Variants in EEFSEC observed in about 807,000 individuals in gnomAD.
EEFSEC encodes the protein selenocysteine-specific elongation factor.
In EEFSEC, 43 loss-of-function variants were observed where a neutral mutation model predicts 42.1. The observed-to-expected ratio is 1.02, with a 90% confidence interval of 0.80 to 1.32. The LOEUF (loss-of-function observed/expected upper bound fraction) is 1.32. Among genes scored for constraint, EEFSEC ranks in the 40% most tolerant of loss-of-function variants. The probability of loss-of-function intolerance (pLI) is 0.00; values close to 1 mark genes in which losing one functional copy is unlikely to be tolerated. For missense variants in EEFSEC, 745 were observed against 803.6 expected, an observed-to-expected ratio of 0.93 and a Z score of 0.88; for synonymous variants, 354 against 339.1, an observed-to-expected ratio of 1.04 and a Z score of -0.48.
chr3:128,313,803 T>C (rs541369835), intron 4 of EEFSEC, among the ~76,000 whole-genome samples: 18 of 152,340 alleles, frequency 1.2e-4, no homozygotes, highest in African/African-American at 4.3e-4. Context: ...TACTGGCAGA[T>C]GGTTAAAAAG....
the EEFSEC span, among the ~76,000 whole-genome samples, chr3:128,415,727 G>A: frequency 6.6e-6 from 1 of 152,232 alleles, no homozygotes. Context: ...GTGGGAGGAA[G>A]AGAAGCAGGT....
At chr3:128,165,944 T>G (rs2065238913) in intron 1 of EEFSEC, among the ~76,000 whole-genome samples, 2 of 152,130 alleles carry the variant, frequency 1.3e-5, no homozygotes, top group Non-Finnish European at 2.9e-5. Flanking sequence ...GAGGAAAAAA[T>G]GGCCCTGTTT....
At chr3:128,383,244 C>A (rs1012756030) in intron 6 of EEFSEC, among the ~76,000 whole-genome samples, 1 of 152,222 alleles carries the variant, frequency 6.6e-6, no homozygotes, top group Admixed American at 6.5e-5. Flanking sequence ...AAGCCTGTCC[C>A]CGTTACAGAA....
chr3:128,283,215 C>T (rs1469551289), intron 4 of EEFSEC, among the ~76,000 whole-genome samples: 2 of 152,200 alleles, frequency 1.3e-5, no homozygotes, highest in South Asian at 2.1e-4. Flanking sequence ...TCTTTCCCAT[C>T]CCAGGACAGC....
chr3:128,351,523 C>T (rs1480330564), intron 5 of EEFSEC, among the ~76,000 whole-genome samples: 1 of 152,210 alleles, frequency 6.6e-6, no homozygotes. Flanking sequence ...TCACCACAGA[C>T]CTGGAATCGG....
chr3:128,195,667 G>T (rs568976446), intron 1 of EEFSEC, among the ~76,000 whole-genome samples: 3 of 152,312 alleles, frequency 2.0e-5, no homozygotes, highest in East Asian at 3.9e-4. Context: ...TGTAGTTATT[G>T]CATAAGTGTT....
At chr3:128,284,284 C>T (rs2066560291) in intron 4 of EEFSEC, among the ~76,000 whole-genome samples, 1 of 152,252 alleles carries the variant, frequency 6.6e-6, no homozygotes, top group Non-Finnish European at 1.5e-5. Flanking sequence ...CACAATTCTT[C>T]CTAGAATACT....
intron 1 of EEFSEC, among the ~76,000 whole-genome samples, chr3:128,207,065 A>G (rs144432000): frequency 7.9e-5 from 12 of 152,296 alleles, no homozygotes; most frequent in African/African-American, 2.9e-4. Flanking sequence ...GAAGAAGAGT[A>G]CTTCTACTGC....
chr3:128,316,292 A>G (rs2108028595), intron 4 of EEFSEC, among the ~76,000 whole-genome samples: 1 of 152,314 alleles, frequency 6.6e-6, no homozygotes, highest in East Asian at 1.9e-4. Context: ...CCCTTTTTTA[A>G]TGCACACAAA....
In EEFSEC at chr3:128,408,424, G is replaced by T; in HGVS notation, c.*165G>T. The T allele has an allele frequency of 1.4e-6, 1 of 728,624 alleles. No individual in the cohort carries two copies. The highest frequency in any genetic ancestry group is 2.1e-6 in the Non-Finnish European group (1 of 476,402). 45.1% of individuals were successfully genotyped at this position (728,624 alleles called of 1,614,324 possible). A position where few individuals can be genotyped will look rare whatever the true frequency, so the allele number is the denominator to read the frequency against. On this transcript the variant is annotated 3_prime_UTR_variant, in exon 7 of 7. Transcript: ENST00000254730. ...CTGAGCCCTGGTGAGGAGCTGAGGGGGATGGGTTGCTGGGGCCAGGAGGGT... is the reference window on the plus strand; with the variant it reads ...CTGAGCCCTGGTGAGGAGCTGAGGGTGATGGGTTGCTGGGGCCAGGAGGGT...
chr3:128,367,712 G>A (rs1284732197), intron 6 of EEFSEC: 1 of 985,296 alleles, frequency 1.0e-6, no homozygotes, highest in Admixed American at 6.2e-5. Flanking sequence ...ACCCAGAGAT[G>A]AGTGAAGCAC....
chr3:128,397,763 G>A (rs954564610), intron 6 of EEFSEC, among the ~76,000 whole-genome samples: 8 of 152,368 alleles, frequency 5.3e-5, no homozygotes, highest in African/African-American at 1.9e-4. Flanking sequence ...CTCTCTGGAC[G>A]GAGGAGTCGG....
At chr3:128,297,282 T>G (rs964357682) in intron 4 of EEFSEC, among the ~76,000 whole-genome samples, 2 of 152,032 alleles carry the variant, frequency 1.3e-5, no homozygotes, top group African/African-American at 4.8e-5. Flanking sequence ...AGCCGAGGAT[T>G]TATGCTTACC....
At chr3:128,411,496 C>T (rs771020148), downstream of EEFSEC, among the ~76,000 whole-genome samples, 1 of 152,088 alleles carries the variant, frequency 6.6e-6, no homozygotes, top group East Asian at 1.9e-4. Flanking sequence ...GTGCTTCAGG[C>T]GTGTCCTTGG....
intron 4 of EEFSEC, among the ~76,000 whole-genome samples, chr3:128,287,572 G>A (rs1459513843): frequency 6.6e-6 from 1 of 152,234 alleles, no homozygotes; most frequent in African/African-American, 2.4e-5. Flanking sequence ...GTGATGAGCT[G>A]TAGTTTGAGA....
In EEFSEC at chr3:128,167,907, G is replaced by A. The variant is rs571184868; in HGVS notation, c.316+14084G>A. On this transcript the variant is annotated intron_variant, in intron 1 of 6. Transcript: ENST00000254730. ...TTGACCCTGGTTGTTTAAATCTGCC[G>A]GAGGAAATTTGAACAAAGTTGTACT... Among the ~76,000 whole-genome samples, 6 of 152,278 alleles carry A rather than the reference G, an allele frequency of 3.9e-5. No individual in the cohort carries two copies. The East Asian group carries it at 7.7e-4, about 20-fold the overall frequency.
At chr3:128,406,293 T>C (rs2068112651) in intron 6 of EEFSEC, among the ~76,000 whole-genome samples, 1 of 152,106 alleles carries the variant, frequency 6.6e-6, no homozygotes, top group African/African-American at 2.4e-5. Context: ...CTCACTTACA[T>C]GTGGTATCTC....
intron 1 of EEFSEC, among the ~76,000 whole-genome samples, chr3:128,216,645 T>G (rs1423880099): frequency 6.6e-6 from 1 of 152,260 alleles, no homozygotes; most frequent in Non-Finnish European, 1.5e-5. Context: ...TGTCACACCC[T>G]TAGCCTCAGT....
intron 1 of EEFSEC, among the ~76,000 whole-genome samples, chr3:128,224,635 T>A: frequency 6.6e-6 from 1 of 152,222 alleles, no homozygotes; most frequent in East Asian, 1.9e-4. Flanking sequence ...GCTGAAGTAT[T>A]TTTAAACAAA....
Sources: allele counts gnomAD v4.1 joint callset (sites outside exome capture counted in the v4.1 genomes callset), GRCh38; gene constraint gnomAD v4.1.1; transcripts MANE v1.5; gene names NCBI Gene and HGNC (gene_info 2026-07-23, HGNC 2026-07-21).